Variants in AMN1 observed in about 807,000 individuals in gnomAD.
AMN1 encodes protein AMN1 homolog.
A neutral mutation model predicts 33.0 loss-of-function variants in AMN1; 20 were observed. The observed-to-expected ratio is 0.61, with a 90% CI of 0.43 to 0.88. The LOEUF is 0.88. AMN1 is among the 40% of genes least tolerant of loss of function. The pLI is 0.00. For missense variants in AMN1, 246 were observed against 307.4 expected (o/e 0.80, Z 1.49); for synonymous variants, 114 against 111.9 (o/e 1.02, Z -0.12).
chr12:31,727,003 C>T lies in AMN1; in HGVS notation c.38+1968G>A, dbSNP rs115003532. 7.3e-3 allele frequency among the ~76,000 whole-genome samples: 1,110 copies of T among 151,688 alleles called. 18 individuals are homozygous for T. The highest frequency in any genetic ancestry group is 0.026 in the African/African-American group (1,058 of 41,320). ...TCTATTTATTTATTTATTTTGAGACCAGGTTATGAGATTGGCTAACTTTTT... is the reference window on the plus strand; with the variant it reads ...TCTATTTATTTATTTATTTTGAGACTAGGTTATGAGATTGGCTAACTTTTT... On this transcript the variant is annotated intron_variant, in intron 1 of 6. Transcript: ENST00000281471.
intron 5 of AMN1, among the ~76,000 whole-genome samples, chr12:31,690,216 A>T (rs1273821823): frequency 6.6e-6 from 1 of 152,206 alleles, no homozygotes; most frequent in African/African-American, 2.4e-5. Context: ...GCTGCTATAA[A>T]CATGTGTGTA....
chr12:31,693,040 T>C lies in AMN1; in HGVS notation c.592-3922A>G, dbSNP rs143703743. Among the ~76,000 whole-genome samples the C allele has an allele frequency of 3.0e-3, 463 of 152,326 alleles. 5 individuals are homozygous for C. Among genetic ancestry groups the C allele is most frequent in the African/African-American group, 0.01 (434 of 41,580 alleles). ...TGCTAAATGCTGTAACATAAGTTTG[T>C]ACTAAGTGCTTGTTGATCTTTTTTT... On this transcript the variant is annotated intron_variant, in intron 5 of 6. Transcript: ENST00000281471.
intron 6 of AMN1, among the ~76,000 whole-genome samples, chr12:31,674,948 G>C (rs1036086885): frequency 6.6e-6 from 1 of 151,744 alleles, no homozygotes; most frequent in Non-Finnish European, 1.5e-5. Context: ...CTTGAATCCA[G>C]GAGGCAGAGA....
rs117604746 is a variant in AMN1, at chr12:31,707,987, G to A, written c.171+1306C>T. Reference sequence around the variant, plus strand: ...TTATCTTCATAAACTGAGGATGTACGTCACCTCTGGACCACTGTGATGATT... The same window carrying A: ...TTATCTTCATAAACTGAGGATGTACATCACCTCTGGACCACTGTGATGATT... On this transcript the variant is annotated intron_variant, in intron 2 of 6. Transcript: ENST00000281471. Among the ~76,000 whole-genome samples, 1,965 of 152,176 alleles carry A rather than the reference G, an allele frequency of 0.013. 93 individuals are homozygous for A. In the East Asian group the frequency reaches 0.17, roughly 13 times the overall value.
chr12:31,717,746 C>T (rs1939731792), intron 1 of AMN1, among the ~76,000 whole-genome samples: 1 of 151,852 alleles, frequency 6.6e-6, no homozygotes, highest in Non-Finnish European at 1.5e-5. Flanking sequence ...GATACATGTG[C>T]AGAACATTCA....
intron 5 of AMN1, 70 bp from the exon 6 acceptor site, chr12:31,689,188 A>G (rs956748722): frequency 3.6e-5 from 38 of 1,054,280 alleles, no homozygotes; most frequent in Non-Finnish European, 5.2e-5. Flanking sequence ...AACAATTTTG[A>G]GAAACATTCT....
chr12:31,672,534 T>C (rs190977676), intron 6 of AMN1, 157 bp from the exon 7 acceptor site: 1 of 582,128 alleles, frequency 1.7e-6, no homozygotes, highest in East Asian at 2.9e-5. Context: ...TCACTAATAA[T>C]TAATTAATGG....
rs1369291639 is a variant in AMN1, at chr12:31,676,902, G to C, written c.704-4525C>G. On this transcript the variant is annotated intron_variant, in intron 6 of 6. Coordinates refer to ENST00000281471, the MANE Select transcript of AMN1 (RefSeq NM_001113402.2). ...CCATGAAGATAGAGTATTTAGGACT[G>C]TGGGTTTAAATAAGAATATTCAATG... is the stretch of plus-strand genomic sequence containing the variant. Among the ~76,000 whole-genome samples the C allele has an allele frequency of 1.3e-5, 2 of 151,816 alleles. 1 individual carries two copies. Among genetic ancestry groups the C allele is most frequent in the African/African-American group, 4.9e-5 (2 of 41,112 alleles).
At chr12:31,715,045 T>C in intron 1 of AMN1, 1 of 351,116 alleles carries the variant, frequency 2.8e-6, no homozygotes, top group Non-Finnish European at 4.0e-6. Flanking sequence ...TTTTCACAAA[T>C]ATGTTTCACA....
At chr12:31,689,830 C>A (rs1158737591) in intron 5 of AMN1, among the ~76,000 whole-genome samples, 3 of 152,066 alleles carry the variant, frequency 2.0e-5, no homozygotes, top group African/African-American at 7.2e-5. Context: ...CTTTAGTGGT[C>A]ATTTGTGAGA....
chr12:31,727,579 A>G (rs60077276), intron 1 of AMN1, among the ~76,000 whole-genome samples: 1 of 151,956 alleles, frequency 6.6e-6, no homozygotes. Context: ...TTCACTCTCT[A>G]CGATACATTT....
chr12:31,673,985 T>C (rs1951334077), intron 6 of AMN1, among the ~76,000 whole-genome samples: 1 of 152,098 alleles, frequency 6.6e-6, no homozygotes, highest in Non-Finnish European at 1.5e-5. Flanking sequence ...TGGGCAGGTC[T>C]GCGTTACTTT....
intron 1 of AMN1, among the ~76,000 whole-genome samples, chr12:31,717,468 C>T (rs889417483): frequency 2.0e-5 from 3 of 152,196 alleles, no homozygotes; most frequent in Non-Finnish European, 4.4e-5. Flanking sequence ...TGGGTATATA[C>T]CCAGTAATGG....
At chr12:31,724,034 T>C (rs1374162210) in intron 1 of AMN1, among the ~76,000 whole-genome samples, 4 of 152,208 alleles carry the variant, frequency 2.6e-5, no homozygotes, top group African/African-American at 9.6e-5. Flanking sequence ...TCCTGTTATA[T>C]AGCAGATCCC....
chr12:31,702,279 C>T (rs141693744), intron 2 of AMN1, among the ~76,000 whole-genome samples: 4 of 152,272 alleles, frequency 2.6e-5, no homozygotes, highest in African/African-American at 7.2e-5. Flanking sequence ...GATCCATAGA[C>T]CTGAGAAGCT....
At chr12:31,690,320 A>G (rs1045569350) in intron 5 of AMN1, among the ~76,000 whole-genome samples, 2 of 152,204 alleles carry the variant, frequency 1.3e-5, no homozygotes, top group African/African-American at 4.8e-5. Flanking sequence ...TTAGTTATTT[A>G]AAGAATTTCC....
intron 6 of AMN1, among the ~76,000 whole-genome samples, chr12:31,684,525 C>T (rs1199885342): frequency 6.7e-6 from 1 of 149,074 alleles, no homozygotes; most frequent in Non-Finnish European, 1.5e-5. Context: ...GGCTGGAGTG[C>T]CGTTGTGCGA....
upstream of AMN1, chr12:31,729,139 G>T: frequency 1.9e-6 from 2 of 1,052,278 alleles, no homozygotes; most frequent in Non-Finnish European, 2.7e-6. Flanking sequence ...CCGGTGACCG[G>T]GGCGTGGCCA....
At chr12:31,702,806 C>T (rs1308983309) in intron 2 of AMN1, among the ~76,000 whole-genome samples, 2 of 152,110 alleles carry the variant, frequency 1.3e-5, no homozygotes, top group African/African-American at 2.4e-5. Context: ...GGCGTGATCT[C>T]GGCTCACTGC....
Sources: gnomAD v4.1 joint callset for allele counts (sites outside exome capture counted in the v4.1 genomes callset) on GRCh38, gnomAD v4.1.1 for gene constraint, MANE v1.5 for transcripts, NCBI Gene and HGNC (gene_info 2026-07-23, HGNC 2026-07-21) for gene names.